The following DCDC2 variants were observed in gnomAD, a reference collection of about 807,000 sequenced individuals.
The protein encoded by DCDC2 is doublecortin domain containing 2.
In DCDC2, 40 loss-of-function variants were observed where a neutral mutation model predicts 50.2. That is an observed-to-expected ratio of 0.80 (90% CI 0.62 to 1.04). The LOEUF (loss-of-function observed/expected upper bound fraction) is 1.04, where lower values mean the gene tolerates loss of function less well. Among genes scored for constraint, DCDC2 ranks in the 50% least tolerant of loss-of-function variants. The pLI is 0.00. For missense variants in DCDC2, 570 were observed against 581.9 expected (o/e 0.98, Z 0.21); for synonymous variants, 234 against 210.6 (o/e 1.11, Z -0.96).
chr6:24,271,226 G>A (rs138151132), intron 7 of DCDC2, among the ~76,000 whole-genome samples: 4,671 of 32,094 alleles, frequency 0.15, 141 homozygotes, highest in East Asian at 0.35. Flanking sequence ...AAAAAAAAAA[G>A]AGAGAGAGAG....
chr6:24,189,789 A>AT (rs1379953560), intron 8 of DCDC2, among the ~76,000 whole-genome samples: 1 of 152,116 alleles, frequency 6.6e-6, no homozygotes, highest in Admixed American at 6.5e-5. Flanking sequence ...TTAGATGTCC[A>AT]TTTTTTCCAT....
chr6:24,262,059 C>T (rs938439449), intron 7 of DCDC2, among the ~76,000 whole-genome samples: 29 of 151,952 alleles, frequency 1.9e-4, no homozygotes, highest in African/African-American at 6.5e-4. Flanking sequence ...GTTTTAACAG[C>T]GTATCAAGGA....
intron 7 of DCDC2, among the ~76,000 whole-genome samples, chr6:24,259,029 G>T (rs1762954072): frequency 6.6e-6 from 1 of 152,228 alleles, no homozygotes. Context: ...CCTTTTCAGA[G>T]AACTTTTGTT....
intron 7 of DCDC2, among the ~76,000 whole-genome samples, chr6:24,237,488 A>G (rs1212547518): frequency 6.6e-6 from 1 of 152,254 alleles, no homozygotes; most frequent in East Asian, 1.9e-4. Flanking sequence ...AAATTAGTTC[A>G]GCAACTTTGG....
chr6:24,376,334 G>A, the DCDC2 span, among the ~76,000 whole-genome samples: 1 of 152,214 alleles, frequency 6.6e-6, no homozygotes, highest in African/African-American at 2.4e-5. Flanking sequence ...TTCTGGTGCA[G>A]GGAGCAGAGT....
chr6:24,291,479 T>G, intron 4 of DCDC2, among the ~76,000 whole-genome samples: 1 of 806 alleles, frequency 1.2e-3, no homozygotes, highest in Non-Finnish European at 5.1e-3. Flanking sequence ...TGTTAATACT[T>G]TTTTTTTTTT....
rs138616692 is a variant in DCDC2, at chr6:24,222,973, G to A, written c.923-17871C>T. Among the ~76,000 whole-genome samples, 556 of 152,240 alleles carry A rather than the reference G, an allele frequency of 3.7e-3. 1 individual carries two copies. Among genetic ancestry groups the A allele is most frequent in the Middle Eastern group, 0.014 (4 of 294 alleles). ...TTTTAAGAAAAAAAGACTGATTAAA[G>A]TGTATACTCTTATATGGGTATGTGT... is the stretch of plus-strand genomic sequence containing the variant. On this transcript the variant is annotated intron_variant, in intron 7 of 9. Transcript: ENST00000378454.
At chr6:24,249,703 C>T (rs185874090) in intron 7 of DCDC2, among the ~76,000 whole-genome samples, 1 of 152,160 alleles carries the variant, frequency 6.6e-6, no homozygotes, top group Admixed American at 6.5e-5. Context: ...ATTTTGAAAA[C>T]CACATCTCCT....
At chr6:24,264,977 A>G (rs574286084) in intron 7 of DCDC2, among the ~76,000 whole-genome samples, 33 of 152,212 alleles carry the variant, frequency 2.2e-4, no homozygotes, top group Non-Finnish European at 4.3e-4. Flanking sequence ...AGCTATACTT[A>G]TATCAGACAA....
intron 7 of DCDC2, chr6:24,205,444 T>G: frequency 9.4e-7 from 1 of 1,063,362 alleles, no homozygotes; most frequent in Non-Finnish European, 1.3e-6. Context: ...TCCCCTCCTA[T>G]TCACAAAACA....
rs16889018 is a variant in DCDC2 at position 24,289,624 on chromosome 6, G to A, written c.705-718C>T. Among the ~76,000 whole-genome samples the A allele has an allele frequency of 8.6e-3, 1,309 of 152,304 alleles. 9 individuals are homozygous for A. The highest frequency in any genetic ancestry group is 0.016 in the African/African-American group (671 of 41,574). The stretch of plus-strand genomic sequence containing the variant: ...GCTTAGCAAAGATGGCTAAAGATTT[G>A]ATTTCATGGATGGGTAAGGTTGGTT... On this transcript the variant is annotated intron_variant, in intron 5 of 9. Coordinates refer to ENST00000378454, the MANE Select transcript of DCDC2 (RefSeq NM_016356.5).
intron 7 of DCDC2, among the ~76,000 whole-genome samples, chr6:24,243,904 T>C (rs1379903893): frequency 6.6e-6 from 1 of 152,162 alleles, no homozygotes; most frequent in Non-Finnish European, 1.5e-5. Flanking sequence ...ATAAAACACA[T>C]TATGTCTCTT....
chr6:24,302,481 T>C (rs769230793), intron 2 of DCDC2, among the ~76,000 whole-genome samples: 25 of 152,090 alleles, frequency 1.6e-4, no homozygotes, highest in Admixed American at 1.1e-3. Context: ...TTTCTGATCC[T>C]TGGCCCCCAC....
the DCDC2 span, among the ~76,000 whole-genome samples, chr6:24,369,435 C>T: frequency 6.6e-6 from 1 of 151,688 alleles, no homozygotes; most frequent in Non-Finnish European, 1.5e-5. Context: ...ATGGTGATAC[C>T]CCGTCTTTAC....
chr6:24,376,788 A>G, the DCDC2 span, among the ~76,000 whole-genome samples: 3 of 143,874 alleles, frequency 2.1e-5, no homozygotes, highest in Admixed American at 7.3e-5. Context: ...AAAAAGAAAC[A>G]ATTTTAAATA....
At chr6:24,204,241 T>A (rs1401559531) in intron 8 of DCDC2, among the ~76,000 whole-genome samples, 1 of 152,128 alleles carries the variant, frequency 6.6e-6, no homozygotes, top group African/African-American at 2.4e-5. Flanking sequence ...CCAACCCAAA[T>A]GCCCATCAAT....
At chr6:24,344,795 T>C (rs1381115808) in intron 2 of DCDC2, among the ~76,000 whole-genome samples, 1 of 152,190 alleles carries the variant, frequency 6.6e-6, no homozygotes, top group African/African-American at 2.4e-5. Context: ...ATAGCAGTTG[T>C]TCTTTAGCAG....
chr6:24,179,646 A>G (rs1761013335), intron 8 of DCDC2, among the ~76,000 whole-genome samples: 1 of 150,708 alleles, frequency 6.6e-6, no homozygotes. Flanking sequence ...TTTGATACAC[A>G]TAAATCTGCT....
intron 2 of DCDC2, among the ~76,000 whole-genome samples, chr6:24,330,053 CA>C (rs1229439725): frequency 6.6e-6 from 1 of 152,126 alleles, no homozygotes; most frequent in African/African-American, 2.4e-5. Flanking sequence ...TCAGTGAACC[CA>C]TTATCAGGGA....
Sources: gnomAD v4.1 joint callset for allele counts (sites outside exome capture counted in the v4.1 genomes callset) on GRCh38, gnomAD v4.1.1 for gene constraint, MANE v1.5 for transcripts, NCBI Gene and HGNC (gene_info 2026-07-23, HGNC 2026-07-21) for gene names.